Variants in IGF2BP2 observed in about 807,000 individuals in gnomAD.
IGF2BP2 encodes insulin-like growth factor 2 mRNA-binding protein 2.
Under a neutral mutation model 75.8 loss-of-function variants are expected in IGF2BP2, and 17 were observed. That is an observed-to-expected ratio of 0.22 (90% CI 0.15 to 0.34). The LOEUF is 0.34. IGF2BP2 is among the 10% of genes least tolerant of loss of function. The pLI is 1.00. For synonymous variants in IGF2BP2, 288 were observed against 295.6 expected (o/e 0.97, Z 0.26); for missense variants, 516 against 772.4 (o/e 0.67, Z 3.93).
intron 2 of IGF2BP2, among the ~76,000 whole-genome samples, chr3:185,813,831 G>C (rs1224018147): frequency 6.6e-6 from 1 of 152,196 alleles, no homozygotes. Flanking sequence ...CTGCAGGCAG[G>C]CCTACACACC....
chr3:185,667,673 C>A (rs1717857981), intron 10 of IGF2BP2, among the ~76,000 whole-genome samples: 2 of 152,148 alleles, frequency 1.3e-5, no homozygotes, highest in South Asian at 4.2e-4. Flanking sequence ...ATGCATATAC[C>A]CTTTGACATA....
intron 3 of IGF2BP2, among the ~76,000 whole-genome samples, chr3:185,697,639 A>C (rs1412967011): frequency 6.6e-6 from 1 of 152,206 alleles, no homozygotes; most frequent in Non-Finnish European, 1.5e-5. Context: ...AACAAACAAA[A>C]AATTCTGCTA....
At chr3:185,678,637 A>G (rs552864687) in intron 7 of IGF2BP2, among the ~76,000 whole-genome samples, 143 of 152,248 alleles carry the variant, frequency 9.4e-4, no homozygotes, top group African/African-American at 3.3e-3. Context: ...ATGTTCTTGT[A>G]TGTCTGTTGG....
intron 2 of IGF2BP2, among the ~76,000 whole-genome samples, chr3:185,740,855 T>C (rs1324850456): frequency 6.6e-6 from 1 of 152,188 alleles, no homozygotes; most frequent in Non-Finnish European, 1.5e-5. Flanking sequence ...AGGAAATGTT[T>C]GCATATTTTC....
At chr3:185,749,155 C>T (rs1262841623) in intron 2 of IGF2BP2, among the ~76,000 whole-genome samples, 1 of 152,002 alleles carries the variant, frequency 6.6e-6, no homozygotes, top group Non-Finnish European at 1.5e-5. Flanking sequence ...AAAAGCGAGA[C>T]TCCGTCTAAA....
chr3:185,749,859 C>A (rs941155653), intron 2 of IGF2BP2, among the ~76,000 whole-genome samples: 7 of 152,150 alleles, frequency 4.6e-5, no homozygotes, highest in African/African-American at 7.2e-5. Context: ...AAGAAATGAG[C>A]CTGTGCCTGA....
chr3:185,756,741 G>A (rs1578204948), intron 2 of IGF2BP2, among the ~76,000 whole-genome samples: 1 of 152,192 alleles, frequency 6.6e-6, no homozygotes. Context: ...AGAAGGCTGA[G>A]GTGGGAAGAT....
chr3:185,690,420 C>G (rs1027314694), intron 5 of IGF2BP2, among the ~76,000 whole-genome samples: 1 of 151,992 alleles, frequency 6.6e-6, no homozygotes, highest in African/African-American at 2.4e-5. Flanking sequence ...TTTAAAAAAA[C>G]AGTTAATATT....
At chr3:185,696,849 A>C (rs1193615732) in intron 3 of IGF2BP2, among the ~76,000 whole-genome samples, 186 bp from the exon 4 acceptor site, 2 of 152,208 alleles carry the variant, frequency 1.3e-5, no homozygotes, top group Non-Finnish European at 2.9e-5. Flanking sequence ...TGGGACCTAC[A>C]TTGGCTTATT....
chr3:185,716,566 C>T (rs757648563), intron 2 of IGF2BP2: 1 of 520,120 alleles, frequency 1.9e-6, no homozygotes, highest in South Asian at 1.4e-5. Context: ...CTGGGCTGGC[C>T]ACCAGACTCA....
intron 4 of IGF2BP2, among the ~76,000 whole-genome samples, chr3:185,695,514 T>C (rs1469644612): frequency 6.6e-6 from 1 of 152,212 alleles, no homozygotes; most frequent in African/African-American, 2.4e-5. Context: ...ATGACTGAAT[T>C]TACATTCTGT....
intron 2 of IGF2BP2, among the ~76,000 whole-genome samples, chr3:185,798,386 T>C (rs1737724945): frequency 6.6e-6 from 1 of 152,192 alleles, no homozygotes; most frequent in African/African-American, 2.4e-5. Flanking sequence ...ATCCAGATCT[T>C]TCCTCTCCAA....
intron 3 of IGF2BP2, among the ~76,000 whole-genome samples, 177 bp downstream of exon 3, chr3:185,698,122 G>A (rs1373139566): frequency 1.3e-5 from 2 of 152,182 alleles, no homozygotes; most frequent in Admixed American, 1.3e-4. Flanking sequence ...TTCTATGAAA[G>A]AAACAAATAC....
rs1301743524 is a variant in IGF2BP2 at position 185,677,173 on chromosome 3, C to T, written c.813-1260G>A. On this transcript the variant is annotated intron_variant, in intron 7 of 15. Transcript: ENST00000382199. ...TTTCAAGGCCCCACCCGCTACATGG[C>T]ATACTGAAGAGCAAAGGGGAGGAAA... Among the ~76,000 whole-genome samples, 8 of 149,984 alleles carry T rather than the reference C, an allele frequency of 5.3e-5. No homozygotes were observed. The East Asian group carries it at 1.6e-3, about 30-fold the overall frequency.
At chr3:185,711,202 T>C (rs1724746730) in intron 2 of IGF2BP2, among the ~76,000 whole-genome samples, 1 of 152,236 alleles carries the variant, frequency 6.6e-6, no homozygotes, top group Non-Finnish European at 1.5e-5. Flanking sequence ...ATTTGATTTA[T>C]AACCAATTTT....
chr3:185,669,455 T>G (rs1032704912), intron 10 of IGF2BP2, among the ~76,000 whole-genome samples: 1 of 152,008 alleles, frequency 6.6e-6, no homozygotes, highest in East Asian at 1.9e-4. Context: ...ATTTGCTGCT[T>G]CTTTTTTAGG....
chr3:185,734,997 A>AGTGCACACATAT (rs1255627539), intron 2 of IGF2BP2, among the ~76,000 whole-genome samples: 1 of 152,194 alleles, frequency 6.6e-6, no homozygotes, highest in Non-Finnish European at 1.5e-5. Context: ...AGCACACATA[A>AGTGCACACATAT]GTGCTCAAGC....
chr3:185,696,434 G>A, intron 4 of IGF2BP2, 178 bp downstream of exon 4: 7 of 601,076 alleles, frequency 1.2e-5, no homozygotes, highest in Non-Finnish European at 1.8e-5. Context: ...CATAGAAAGA[G>A]ACAGATATCT....
At position 185,649,517 on chromosome 3, in the gene IGF2BP2, A is replaced by G. The variant is rs370946762; in HGVS notation, c.1479T>C (p.Phe493=). Residue 493 remains phenylalanine (F), a synonymous_variant, in exon 14 of 16, where the codon TTT becomes TTC. Coordinates refer to ENST00000382199, the MANE Select transcript of IGF2BP2 (RefSeq NM_006548.6). ...AGAAGTTTTCCTCTTTCAGTTTCCC[A>G]AAGATCCGTCCCTGGGCCTGAGAGA... ...EAQFKAQGRI[F]GKLKEENFFN... 28 of 1,614,042 alleles carry G rather than the reference A, an allele frequency of 1.7e-5. No homozygotes were observed. The African/African-American group carries it at 3.3e-4, about 19-fold the overall frequency.
Sources: gnomAD v4.1 joint callset for allele counts (sites outside exome capture counted in the v4.1 genomes callset) on GRCh38, gnomAD v4.1.1 for gene constraint, MANE v1.5 for transcripts, NCBI Gene and HGNC (gene_info 2026-07-23, HGNC 2026-07-21) for gene names.